The following ZNF804B variants were observed in gnomAD, a reference collection of about 807,000 sequenced individuals.
ZNF804B encodes the protein zinc finger 804B.
In ZNF804B, 80 loss-of-function variants were observed where a neutral mutation model predicts 101.4. The observed-to-expected ratio is 0.79, with a 90% CI of 0.66 to 0.95. ZNF804B has a LOEUF of 0.95. ZNF804B is among the 40% of genes least tolerant of loss of function. The pLI is 0.00. For missense variants in ZNF804B, 1,673 were observed against 1,561.9 expected (o/e 1.07, Z -1.20); for synonymous variants, 622 against 558.8 (o/e 1.11, Z -1.59).
chr7:89,321,742 A>C (rs1347918409), intron 2 of ZNF804B, among the ~76,000 whole-genome samples: 1 of 150,830 alleles, frequency 6.6e-6, no homozygotes, highest in East Asian at 2.1e-4. Context: ...GTAAATAAAT[A>C]CCTAAATTAA....
chr7:89,027,439 T>C (rs766080487), intron 1 of ZNF804B, among the ~76,000 whole-genome samples: 1 of 152,174 alleles, frequency 6.6e-6, no homozygotes, highest in African/African-American at 2.4e-5. Context: ...GTTGAGGTTG[T>C]GAGTTTAGCA....
intron 1 of ZNF804B, among the ~76,000 whole-genome samples, chr7:89,191,165 A>G (rs1003429086): frequency 2.6e-5 from 4 of 152,198 alleles, no homozygotes; most frequent in South Asian, 2.1e-4. Context: ...ACCCAAACTA[A>G]ATAGAAACAA....
At chr7:89,324,321 C>G (rs565741554) in intron 2 of ZNF804B, among the ~76,000 whole-genome samples, 1 of 151,996 alleles carries the variant, frequency 6.6e-6, no homozygotes, top group East Asian at 1.9e-4. Context: ...GCTCTGAGAT[C>G]TAATCTGTCT....
intron 1 of ZNF804B, among the ~76,000 whole-genome samples, chr7:89,192,396 A>G (rs563288226): frequency 6.6e-6 from 1 of 152,140 alleles, no homozygotes; most frequent in East Asian, 1.9e-4. Context: ...GTATGTCCAT[A>G]CAATAGAATG....
intron 1 of ZNF804B, among the ~76,000 whole-genome samples, chr7:88,927,018 C>T (rs1792814870): frequency 6.6e-6 from 1 of 151,640 alleles, no homozygotes; most frequent in African/African-American, 2.4e-5. Flanking sequence ...AGTGGCAGCG[C>T]ATACATTTTG....
intron 1 of ZNF804B, among the ~76,000 whole-genome samples, chr7:88,949,303 C>A (rs6958629): frequency 0.032 from 4,839 of 150,622 alleles, 130 homozygotes; most frequent in Non-Finnish European, 0.045. Context: ...GAATGTTTAG[C>A]AGCATCCCTG....
At chr7:89,275,198 C>T (rs1789960847) in intron 2 of ZNF804B, among the ~76,000 whole-genome samples, 1 of 151,944 alleles carries the variant, frequency 6.6e-6, no homozygotes, top group Non-Finnish European at 1.5e-5. Flanking sequence ...TGGCCAAAAA[C>T]TCCATCTTCT....
At chr7:88,784,943 T>C (rs1179716141) in intron 1 of ZNF804B, among the ~76,000 whole-genome samples, 1 of 152,162 alleles carries the variant, frequency 6.6e-6, no homozygotes, top group African/African-American at 2.4e-5. Context: ...TCCGTAGGCA[T>C]TTCTCAAGAT....
intron 2 of ZNF804B, among the ~76,000 whole-genome samples, chr7:89,255,415 C>T (rs1012532509): frequency 6.6e-6 from 1 of 152,068 alleles, no homozygotes; most frequent in Non-Finnish European, 1.5e-5. Context: ...AAGAGATAGA[C>T]AAGTAAAAAA....
At chr7:89,019,389 G>A (rs930274344) in intron 1 of ZNF804B, among the ~76,000 whole-genome samples, 1 of 151,982 alleles carries the variant, frequency 6.6e-6, no homozygotes, top group Non-Finnish European at 1.5e-5. Context: ...GATGTGTTTT[G>A]TATTCTAACA....
At chr7:89,315,613 A>T (rs1357217350) in intron 2 of ZNF804B, among the ~76,000 whole-genome samples, 1 of 152,144 alleles carries the variant, frequency 6.6e-6, no homozygotes, top group Admixed American at 6.5e-5. Context: ...TATTGATTTT[A>T]GCAGAAAATT....
chr7:89,137,319 G>T (rs149971525), intron 1 of ZNF804B, among the ~76,000 whole-genome samples: 2 of 151,870 alleles, frequency 1.3e-5, no homozygotes, highest in African/African-American at 4.8e-5. Context: ...TTATAAAAAA[G>T]TATTACATAT....
chr7:89,007,687 A>G (rs1788391239), intron 1 of ZNF804B, among the ~76,000 whole-genome samples: 2 of 148,722 alleles, frequency 1.3e-5, no homozygotes. Flanking sequence ...AGAAGCAAAT[A>G]ATTATTCACT....
In ZNF804B at chr7:89,337,114, TATAAG is replaced by T. The variant is rs1217942442; in HGVS notation, c.*85_*89del. ...CATACATTTAAAGAAGTCTGTCAATTATAAGATTTAAAATATTGCTGCCAATTCAA... is the reference window on the plus strand; with the variant it reads ...CATACATTTAAAGAAGTCTGTCAATTATTTAAAATATTGCTGCCAATTCAA... On this transcript the variant is annotated 3_prime_UTR_variant, in exon 4 of 4. Coordinates refer to ENST00000333190, the MANE Select transcript of ZNF804B (RefSeq NM_181646.5). 8.2e-6 allele frequency: 11 copies of T among 1,345,868 alleles called. No individual in the cohort carries two copies. Among genetic ancestry groups the T allele is most frequent in the African/African-American group, 3.0e-5 (2 of 67,242 alleles). 83.4% of individuals were successfully genotyped at this position (1,345,868 alleles called of 1,614,324 possible).
intron 2 of ZNF804B, among the ~76,000 whole-genome samples, chr7:89,242,323 A>G (rs553016887): frequency 1.5e-3 from 232 of 152,098 alleles, no homozygotes; most frequent in Non-Finnish European, 2.6e-3. Context: ...ATAAATTGGT[A>G]CATCTCAATT....
intron 2 of ZNF804B, among the ~76,000 whole-genome samples, chr7:89,260,853 T>C (rs756016842): frequency 2.7e-4 from 41 of 152,336 alleles, no homozygotes; most frequent in Non-Finnish European, 4.6e-4. Context: ...TTTCTTGCAA[T>C]GTCATGAGTT....
At chr7:88,959,846 C>A (rs1347732915) in intron 1 of ZNF804B, among the ~76,000 whole-genome samples, 1 of 151,428 alleles carries the variant, frequency 6.6e-6, no homozygotes, top group African/African-American at 2.4e-5. Flanking sequence ...CCATCCCATG[C>A]CAGGGGAAAC....
At chr7:89,068,791 A>T (rs1789493386) in intron 1 of ZNF804B, among the ~76,000 whole-genome samples, 1 of 152,230 alleles carries the variant, frequency 6.6e-6, no homozygotes, top group Non-Finnish European at 1.5e-5. Flanking sequence ...TGAGAAAAGC[A>T]CCAGTGTTTT....
intron 2 of ZNF804B, among the ~76,000 whole-genome samples, chr7:89,251,469 C>T (rs901273642): frequency 6.6e-6 from 1 of 152,066 alleles, no homozygotes; most frequent in African/African-American, 2.4e-5. Flanking sequence ...AATAGAAAAT[C>T]ATTCCATGCT....
Sources: gnomAD v4.1 joint callset for allele counts (sites outside exome capture counted in the v4.1 genomes callset) on GRCh38, gnomAD v4.1.1 for gene constraint, MANE v1.5 for transcripts, NCBI Gene and HGNC (gene_info 2026-07-23, HGNC 2026-07-21) for gene names.